Variants in APTX observed in about 807,000 individuals in gnomAD.
APTX encodes the protein forkhead-associated domain histidine triad-like protein.
In APTX, 33 loss-of-function variants were observed where a neutral mutation model predicts 42.3. The ratio of observed to expected loss-of-function variants is 0.78; its 90% CI spans 0.59 to 1.04. The LOEUF is 1.04. Ranked by LOEUF, APTX falls within the 50% of genes least tolerant of loss-of-function variation. The probability of loss-of-function intolerance (pLI) is 0.00; values close to 1 mark genes in which losing one functional copy is unlikely to be tolerated. For synonymous variants in APTX, 130 were observed against 146.7 expected (o/e 0.89, Z 0.82); for missense variants, 421 against 415.1 (o/e 1.01, Z -0.12).
intron 1 of APTX, among the ~76,000 whole-genome samples, chr9:33,018,756 G>A (rs1838118017): frequency 6.6e-6 from 1 of 152,054 alleles, no homozygotes; most frequent in African/African-American, 2.4e-5. Context: ...GCAGGCACCT[G>A]TAATCCCAGC....
intron 1 of APTX, among the ~76,000 whole-genome samples, chr9:33,021,035 A>G (rs760285562): frequency 2.0e-5 from 3 of 151,994 alleles, no homozygotes; most frequent in Non-Finnish European, 4.4e-5. Flanking sequence ...AAGCTGAGGC[A>G]GGAGAATCGC....
chr9:33,019,701 C>T (rs1838211016), intron 1 of APTX: 1 of 520,148 alleles, frequency 1.9e-6, no homozygotes, highest in Non-Finnish European at 3.3e-6. Context: ...CCAGGCCAGG[C>T]TTAGCGGGAA....
chr9:33,023,221 A>ATT (rs144638093), intron 1 of APTX, among the ~76,000 whole-genome samples: 12 of 143,504 alleles, frequency 8.4e-5, no homozygotes, highest in African/African-American at 2.0e-4. Flanking sequence ...GACTTATGTG[A>ATT]TTTTTTTTTT....
In APTX at chr9:32,973,221, C is replaced by T; in HGVS notation, c.*277G>A. On this transcript the variant is annotated 3_prime_UTR_variant, in exon 8 of 8. Transcript: ENST00000379817. ...GGTCAGTGTGAACATGGCTTTGCTC[C>T]CAATGGTCAGACCTGACATGGGTCC... The T allele has an allele frequency of 1.8e-6, 1 of 554,506 alleles. No homozygotes were observed. The highest frequency in any genetic ancestry group is 3.4e-6 in the Non-Finnish European group (1 of 292,558). The allele number at this position is 554,506 out of a possible 1,614,324, so 34.3% of individuals were successfully genotyped here.
At chr9:32,995,616 T>G (rs952681374) in intron 1 of APTX, among the ~76,000 whole-genome samples, 5 of 152,062 alleles carry the variant, frequency 3.3e-5, no homozygotes, top group South Asian at 2.1e-4. Flanking sequence ...GGCTGGGTGT[T>G]ATGGCTCACA....
At chr9:33,011,996 C>G (rs533932024) in intron 1 of APTX, among the ~76,000 whole-genome samples, 2 of 152,316 alleles carry the variant, frequency 1.3e-5, no homozygotes, top group African/African-American at 4.8e-5. Context: ...ATTTGAATGT[C>G]TACACATTTA....
chr9:32,975,985 T>G (rs1829294729), intron 6 of APTX, among the ~76,000 whole-genome samples: 1 of 152,212 alleles, frequency 6.6e-6, no homozygotes, highest in Admixed American at 6.5e-5. Context: ...CCTGTAAGTG[T>G]ACTCCAAGCG....
At chr9:33,019,433 A>T (rs1314441144) in intron 1 of APTX, among the ~76,000 whole-genome samples, 2 of 152,154 alleles carry the variant, frequency 1.3e-5, no homozygotes, top group Non-Finnish European at 2.9e-5. Flanking sequence ...AAAAAATAGC[A>T]TTTCAGTTAG....
intron 1 of APTX, among the ~76,000 whole-genome samples, chr9:32,999,285 A>C (rs550419437): frequency 2.6e-5 from 4 of 152,352 alleles, no homozygotes; most frequent in Non-Finnish European, 5.9e-5. Context: ...TAGATACAGA[A>C]GGAAACAAAA....
At chr9:33,016,092 G>C (rs1009526893) in intron 1 of APTX, 1 of 152,200 alleles carries the variant, frequency 6.6e-6, no homozygotes, top group Non-Finnish European at 1.5e-5. Context: ...TCTAGACCAA[G>C]AGTCTGAGAT....
chr9:33,003,453 G>A (rs1293584845), upstream of APTX, among the ~76,000 whole-genome samples: 3 of 152,152 alleles, frequency 2.0e-5, no homozygotes, highest in African/African-American at 7.2e-5. Context: ...GGCCAACGCA[G>A]GTGGATTACC....
At chr9:32,986,499 A>T (rs1832180941) in intron 4 of APTX, among the ~76,000 whole-genome samples, 1 of 138,154 alleles carries the variant, frequency 7.2e-6, no homozygotes, top group African/African-American at 2.7e-5. Flanking sequence ...ACCCGACCCT[A>T]TATTCTTTCT....
intron 1 of APTX, among the ~76,000 whole-genome samples, chr9:32,995,146 G>C (rs1326490875): frequency 6.6e-6 from 1 of 152,170 alleles, no homozygotes; most frequent in Non-Finnish European, 1.5e-5. Flanking sequence ...ATGGATCAAG[G>C]AGTAATTCTG....
chr9:32,982,929 A>G (rs957848576), intron 6 of APTX, among the ~76,000 whole-genome samples: 1 of 151,830 alleles, frequency 6.6e-6, no homozygotes, highest in Non-Finnish European at 1.5e-5. Flanking sequence ...TTCCATCTCC[A>G]AATATTTATT....
intron 1 of APTX, among the ~76,000 whole-genome samples, chr9:33,016,767 T>A (rs1478042067): frequency 6.6e-6 from 1 of 151,950 alleles, no homozygotes; most frequent in Admixed American, 6.6e-5. Context: ...GCTCAGCAAT[T>A]AGGCACTCTG....
chr9:33,010,074 A>G (rs1564001616), intron 1 of APTX, among the ~76,000 whole-genome samples: 2 of 152,178 alleles, frequency 1.3e-5, no homozygotes, highest in Admixed American at 6.5e-5. Context: ...TACTTTAAAG[A>G]CTGATGGGGC....
At chr9:32,995,384 G>A (rs1327495844) in intron 1 of APTX, among the ~76,000 whole-genome samples, 1 of 152,072 alleles carries the variant, frequency 6.6e-6, no homozygotes, top group African/African-American at 2.4e-5. Context: ...GACTTTCAGG[G>A]GTTCAAGACT....
intron 4 of APTX, 22 bp from the exon 5 acceptor site, chr9:32,986,052 A>AAC: frequency 1.5e-6 from 1 of 670,762 alleles, no homozygotes. Flanking sequence ...ACAAAAAAAA[A>AAC]AACAAAAAAA....
intron 1 of APTX, among the ~76,000 whole-genome samples, chr9:32,992,344 A>C (rs1411465843): frequency 6.6e-6 from 1 of 152,268 alleles, no homozygotes; most frequent in Non-Finnish European, 1.5e-5. Context: ...TCAAATGAAT[A>C]AGATTAGTGC....
Sources: gnomAD v4.1 joint callset for allele counts (sites outside exome capture counted in the v4.1 genomes callset) on GRCh38, gnomAD v4.1.1 for gene constraint, MANE v1.5 for transcripts, NCBI Gene and HGNC (gene_info 2026-07-23, HGNC 2026-07-21) for gene names.